The following ZNF385D variants were observed in gnomAD, a reference collection of about 807,000 sequenced individuals.
ZNF385D encodes zinc finger protein 385D.
A neutral mutation model predicts 35.8 loss-of-function variants in ZNF385D; 15 were observed. The observed-to-expected ratio is 0.42, with a 90% confidence interval of 0.28 to 0.64. The LOEUF (loss-of-function observed/expected upper bound fraction) is 0.64, where lower values mean the gene tolerates loss of function less well. Among genes scored for constraint, ZNF385D ranks in the 30% least tolerant of loss-of-function variants. ZNF385D has a pLI of 0.23. For synonymous variants in ZNF385D, 212 were observed against 186.8 expected, an observed-to-expected ratio of 1.13 and a Z score of -1.10; for missense variants, 474 against 494.6, an observed-to-expected ratio of 0.96 and a Z score of 0.39.
At chr3:21,654,453 G>C (rs1006951716) in intron 2 of ZNF385D, among the ~76,000 whole-genome samples, 23 of 152,016 alleles carry the variant, frequency 1.5e-4, no homozygotes, top group Non-Finnish European at 3.2e-4. Flanking sequence ...TAGCGCTAAA[G>C]GAATTTCAGT....
chr3:22,134,804 G>T (rs757178980), intron 3 of ZNF385D, among the ~76,000 whole-genome samples: 1 of 152,098 alleles, frequency 6.6e-6, no homozygotes, highest in Non-Finnish European at 1.5e-5. Context: ...ACAAGAGAGA[G>T]AGATAGTGAT....
intron 1 of ZNF385D, among the ~76,000 whole-genome samples, chr3:21,700,890 T>G (rs2125380317): frequency 6.6e-6 from 1 of 152,324 alleles, no homozygotes; most frequent in Admixed American, 6.5e-5. Flanking sequence ...AATGATTTCA[T>G]TCAGATAAAA....
chr3:21,801,373 T>G (rs1005939113), intron 3 of ZNF385D, among the ~76,000 whole-genome samples: 3 of 152,218 alleles, frequency 2.0e-5, no homozygotes, highest in South Asian at 2.1e-4. Context: ...TCTGCCATGT[T>G]TGAAGAGTTT....
At chr3:22,275,346 T>C (rs577278492) in intron 2 of ZNF385D, among the ~76,000 whole-genome samples, 6 of 152,242 alleles carry the variant, frequency 3.9e-5, no homozygotes, top group African/African-American at 1.2e-4. Context: ...AGGAAGATAA[T>C]GGCTGCTAAC....
intron 2 of ZNF385D, among the ~76,000 whole-genome samples, chr3:22,257,285 A>G (rs1449516000): frequency 2.0e-5 from 3 of 151,812 alleles, no homozygotes; most frequent in Non-Finnish European, 2.9e-5. Context: ...TCTACACTCA[A>G]AGTACGAACT....
intron 4 of ZNF385D, among the ~76,000 whole-genome samples, chr3:21,506,542 AAC>A (rs1292010528): frequency 6.6e-6 from 1 of 152,214 alleles, no homozygotes; most frequent in Non-Finnish European, 1.5e-5. Flanking sequence ...TAGAAGAACA[AAC>A]AACACAAGTT....
chr3:22,017,853 T>A (rs1476931441), intron 3 of ZNF385D, among the ~76,000 whole-genome samples: 2 of 152,094 alleles, frequency 1.3e-5, no homozygotes, highest in Non-Finnish European at 2.9e-5. Context: ...TATGTTTACA[T>A]ACGTATTTCA....
Position 21,665,047 on chromosome 3 carries a change from AG to A in ZNF385D, c.23-20del. On this transcript the variant is annotated intron_variant, in intron 1 of 7. Transcript: ENST00000281523. Reference sequence around the variant, plus strand: ...GTACCACCTGTGAAGACCAGAGCAAAGGGAGCAATCAGGGACACCACGCATG... The same window carrying A: ...GTACCACCTGTGAAGACCAGAGCAAAGGAGCAATCAGGGACACCACGCATG... 1 of 1,580,480 alleles carries A rather than the reference AG, an allele frequency of 6.3e-7. No individual in the cohort carries two copies. Among genetic ancestry groups the A allele is most frequent in the South Asian group, 1.2e-5 (1 of 86,602 alleles).
intron 3 of ZNF385D, among the ~76,000 whole-genome samples, chr3:22,109,693 T>C (rs919674451): frequency 1.3e-5 from 2 of 152,120 alleles, no homozygotes; most frequent in African/African-American, 4.8e-5. Flanking sequence ...TGGGGGCATA[T>C]ATATTTAGGA....
chr3:22,180,511 A>G (rs57809952), intron 2 of ZNF385D, among the ~76,000 whole-genome samples: 3,486 of 152,294 alleles, frequency 0.023, 144 homozygotes, highest in African/African-American at 0.079. Context: ...AATATCCCTG[A>G]TGAACATCGA....
chr3:22,169,916 T>A (rs1191351490), intron 2 of ZNF385D, among the ~76,000 whole-genome samples: 1 of 152,194 alleles, frequency 6.6e-6, no homozygotes, highest in Non-Finnish European at 1.5e-5. Context: ...CACTTTAGCC[T>A]ACTAAGTAGC....
At chr3:21,796,401 A>C (rs1465706552) in intron 3 of ZNF385D, among the ~76,000 whole-genome samples, 1 of 152,220 alleles carries the variant, frequency 6.6e-6, no homozygotes, top group African/African-American at 2.4e-5. Context: ...AATATTGGCA[A>C]ATCTAATCCA....
chr3:21,814,330 A>C (rs2073057124), intron 3 of ZNF385D, among the ~76,000 whole-genome samples: 1 of 152,180 alleles, frequency 6.6e-6, no homozygotes, highest in South Asian at 2.1e-4. Flanking sequence ...TAATGATAGG[A>C]TCAAATTCAC....
chr3:22,238,502 T>C lies in ZNF385D; in HGVS notation c.107-69467A>G, dbSNP rs555786934. On this transcript the variant is annotated intron_variant, in intron 2 of 5. Coordinates refer to the ZNF385D transcript ENST00000494108. ...TTCAACTTCTTTTAATAATAATTTA[T>C]AGTATTTAGTATACAAGTTTTACAC... Among the ~76,000 whole-genome samples, 92 of 151,134 alleles carry C rather than the reference T, an allele frequency of 6.1e-4. 5 individuals are homozygous for C. In the South Asian group the frequency reaches 9.8e-3, roughly 16 times the overall value.
At chr3:22,183,532 A>C (rs1238395483) in intron 2 of ZNF385D, among the ~76,000 whole-genome samples, 1 of 151,946 alleles carries the variant, frequency 6.6e-6, no homozygotes, top group Non-Finnish European at 1.5e-5. Context: ...TAATTTTTGT[A>C]TTTTTAGTAG....
chr3:21,679,430 G>A (rs2066830603), intron 1 of ZNF385D, among the ~76,000 whole-genome samples: 1 of 151,950 alleles, frequency 6.6e-6, no homozygotes, highest in Non-Finnish European at 1.5e-5. Flanking sequence ...AGCTTTTGAA[G>A]GGGAGTATTC....
At chr3:21,799,591 G>T (rs1376136752) in intron 3 of ZNF385D, among the ~76,000 whole-genome samples, 1 of 152,114 alleles carries the variant, frequency 6.6e-6, no homozygotes, top group East Asian at 1.9e-4. Flanking sequence ...GGCTATTCAA[G>T]TCTGTTGTTT....
intron 2 of ZNF385D, among the ~76,000 whole-genome samples, chr3:22,329,877 G>C (rs1013444343): frequency 2.0e-5 from 3 of 152,164 alleles, no homozygotes; most frequent in African/African-American, 7.2e-5. Context: ...TCAAGTCCTT[G>C]AAATATGGTA....
At chr3:21,964,257 T>C (rs751669960) in intron 3 of ZNF385D, among the ~76,000 whole-genome samples, 1 of 151,480 alleles carries the variant, frequency 6.6e-6, no homozygotes, top group Non-Finnish European at 1.5e-5. Flanking sequence ...CTTCATTCGC[T>C]AAAAACTGAA....
Sources: gnomAD v4.1 joint callset for allele counts (sites outside exome capture counted in the v4.1 genomes callset) on GRCh38, gnomAD v4.1.1 for gene constraint, MANE v1.5 for transcripts, NCBI Gene and HGNC (gene_info 2026-07-23, HGNC 2026-07-21) for gene names.